Variants in PTPRT observed in about 807,000 individuals in gnomAD.
The protein encoded by PTPRT is protein tyrosine phosphatase receptor type T, also known as receptor-type tyrosine-protein phosphatase T.
In PTPRT, 56 loss-of-function variants were observed where a neutral mutation model predicts 176.8. That is an observed-to-expected ratio of 0.32 (90% CI 0.26 to 0.40). PTPRT has a LOEUF of 0.40. Ranked by LOEUF, PTPRT falls within the 10% of genes least tolerant of loss-of-function variation. The pLI is 1.00. For missense variants in PTPRT, 1,540 were observed against 1,908.2 expected, an observed-to-expected ratio of 0.81 and a Z score of 3.60; for synonymous variants, 783 against 739.0, an observed-to-expected ratio of 1.06 and a Z score of -0.96.
chr20:42,679,577 T>C (rs1048545022), intron 6 of PTPRT, among the ~76,000 whole-genome samples: 6 of 152,100 alleles, frequency 3.9e-5, no homozygotes, highest in Admixed American at 1.3e-4. Context: ...AGAGAAAATA[T>C]CTCTAACATC....
chr20:42,043,540 G>A, the PTPRT span, among the ~76,000 whole-genome samples: 4 of 152,190 alleles, frequency 2.6e-5, no homozygotes, highest in Non-Finnish European at 4.4e-5. Context: ...GATGACTCAT[G>A]AGGTCACATA....
intron 5 of PTPRT, among the ~76,000 whole-genome samples, chr20:42,765,700 T>C (rs1185327653): frequency 6.6e-6 from 1 of 151,804 alleles, no homozygotes; most frequent in Non-Finnish European, 1.5e-5. Context: ...AGATTATATA[T>C]ATTTATATAT....
At chr20:42,479,520 G>C (rs888788367) in intron 7 of PTPRT, among the ~76,000 whole-genome samples, 8 of 152,210 alleles carry the variant, frequency 5.3e-5, no homozygotes, top group African/African-American at 1.7e-4. Flanking sequence ...GGAATAAAAA[G>C]GTAAGGGGAA....
chr20:42,033,924 A>G, the PTPRT span, among the ~76,000 whole-genome samples: 3 of 152,202 alleles, frequency 2.0e-5, no homozygotes, highest in Non-Finnish European at 4.4e-5. Context: ...AATTATGAAT[A>G]AGTCCTAATT....
intron 7 of PTPRT, among the ~76,000 whole-genome samples, chr20:42,602,879 G>A (rs1360749506): frequency 1.3e-5 from 2 of 152,092 alleles, no homozygotes; most frequent in Non-Finnish European, 2.9e-5. Flanking sequence ...TTCCTCATTT[G>A]TAAAATGGAA....
chr20:42,353,888 T>C (rs942226042), intron 9 of PTPRT, among the ~76,000 whole-genome samples: 37 of 152,196 alleles, frequency 2.4e-4, no homozygotes, highest in African/African-American at 8.9e-4. Flanking sequence ...TATCTATGTA[T>C]CTACAAAGTA....
intron 9 of PTPRT, among the ~76,000 whole-genome samples, chr20:42,439,043 T>C (rs2059288422): frequency 6.6e-6 from 1 of 152,196 alleles, no homozygotes; most frequent in African/African-American, 2.4e-5. Flanking sequence ...ACCAGAGCTG[T>C]TGCTACTGAA....
At chr20:42,167,272 G>A (rs886330127) in intron 16 of PTPRT, among the ~76,000 whole-genome samples, 9 of 152,040 alleles carry the variant, frequency 5.9e-5, no homozygotes, top group Admixed American at 2.0e-4. Flanking sequence ...GGCTTCTTTC[G>A]CCTTTCCTTG....
chr20:42,110,608 TTTG>T (rs1160091787), intron 22 of PTPRT, 121 bp from the exon 23 acceptor site: 19 of 1,055,934 alleles, frequency 1.8e-5, no homozygotes, highest in Non-Finnish European at 2.5e-5. Context: ...CCTCACAGTG[TTTG>T]TTAATAGGTG....
At chr20:42,702,448 T>A (rs772374427) in intron 6 of PTPRT, among the ~76,000 whole-genome samples, 5 of 152,136 alleles carry the variant, frequency 3.3e-5, no homozygotes, top group Non-Finnish European at 7.4e-5. Context: ...GGGTGAAAAG[T>A]CATTTGAATG....
At chr20:42,480,023 G>A (rs1389719837) in intron 7 of PTPRT, among the ~76,000 whole-genome samples, 2 of 152,116 alleles carry the variant, frequency 1.3e-5, no homozygotes, top group South Asian at 2.1e-4. Flanking sequence ...AAGGCAACAC[G>A]GTTGCTACCC....
At chr20:42,744,262 G>C (rs541606250) in intron 6 of PTPRT, among the ~76,000 whole-genome samples, 11 of 152,350 alleles carry the variant, frequency 7.2e-5, no homozygotes, top group African/African-American at 2.6e-4. Flanking sequence ...CCATAGCCAA[G>C]TCTGTCTCTA....
chr20:42,110,070 A>AGAG (rs1555870186), intron 23 of PTPRT, among the ~76,000 whole-genome samples: 3 of 148,408 alleles, frequency 2.0e-5, no homozygotes, highest in Non-Finnish European at 4.5e-5. Flanking sequence ...TTTTTGAGAC[A>AGAG]GAGTCTCGCT....
rs527490246 is a variant in PTPRT at position 42,877,203 on chromosome 20, T to C, written c.214+8604A>G. Among the ~76,000 whole-genome samples, 11 of 151,584 alleles carry C rather than the reference T, an allele frequency of 7.3e-5. No homozygotes were observed. The South Asian group carries it at 2.3e-3, about 32-fold the overall frequency. On this transcript the variant is annotated intron_variant, in intron 2 of 30. Transcript: ENST00000373187. ...TCAACAAGCAAGAAGTCCAGCAACT[T>C]TGTAGCACAAACACCATGGCCAGAC...
At chr20:42,767,853 T>C (rs1184977951) in intron 5 of PTPRT, among the ~76,000 whole-genome samples, 1 of 146,790 alleles carries the variant, frequency 6.8e-6, no homozygotes, top group Non-Finnish European at 1.5e-5. Context: ...TATAATAACA[T>C]AATTTGTTAT....
At chr20:42,201,155 A>G (rs984508775) in intron 15 of PTPRT, among the ~76,000 whole-genome samples, 3 of 152,124 alleles carry the variant, frequency 2.0e-5, no homozygotes, top group African/African-American at 4.8e-5. Context: ...CTCTACAAAA[A>G]TTAGCCAGGT....
At position 42,300,201 on chromosome 20, in the gene PTPRT, T is replaced by A. The variant is rs1247262137; in HGVS notation, c.2139+15522A>T. On this transcript the variant is annotated intron_variant, in intron 12 of 30. Transcript: ENST00000373187. ...TGAACCTGGGAGGCAGAGGTTGTAG[T>A]GAGCCAAGATCACGCCATTGTACTC... Among the ~76,000 whole-genome samples, 3 of 140,424 alleles carry A rather than the reference T, an allele frequency of 2.1e-5. No individual in the cohort carries two copies. In the Admixed American group the frequency reaches 2.4e-4, roughly 11 times the overall value. 92.1% of individuals were successfully genotyped at this position (140,424 alleles called of 152,430 possible). A position where few individuals can be genotyped will look rare whatever the true frequency, so the allele number is the denominator to read the frequency against.
At chr20:42,314,314 G>T (rs2057681561) in intron 12 of PTPRT, among the ~76,000 whole-genome samples, 2 of 152,190 alleles carry the variant, frequency 1.3e-5, no homozygotes, top group African/African-American at 4.8e-5. Context: ...AGATCACGAG[G>T]TCAGGAGACC....
intron 3 of PTPRT, among the ~76,000 whole-genome samples, chr20:42,784,718 G>A (rs2077263995): frequency 6.7e-6 from 1 of 149,694 alleles, no homozygotes; most frequent in South Asian, 2.1e-4. Context: ...AATTTCAGGG[G>A]CCTATATAGC....
Sources: allele counts gnomAD v4.1 joint callset (sites outside exome capture counted in the v4.1 genomes callset), GRCh38; gene constraint gnomAD v4.1.1; transcripts MANE v1.5; gene names NCBI Gene and HGNC (gene_info 2026-07-23, HGNC 2026-07-21).